ASPH: variants seen among roughly 807,000 people sequenced by gnomAD.
ASPH encodes the protein aspartyl/asparaginyl beta-hydroxylase.
ASPH carries 100 observed loss-of-function variants against 118.4 expected under a neutral mutation model. The ratio of observed to expected loss-of-function variants is 0.84; its 90% CI spans 0.72 to 1.00. ASPH has a LOEUF of 1.00. Ranked by LOEUF, ASPH falls within the 50% of genes least tolerant of loss-of-function variation. ASPH has a pLI of 0.00. For synonymous variants in ASPH, 315 were observed against 325.6 expected (o/e 0.97, Z 0.35); for missense variants, 920 against 919.5 (o/e 1.00, Z -0.01).
At chr8:61,553,801 C>A (rs1358092291) in intron 19 of ASPH, among the ~76,000 whole-genome samples, 2 of 152,106 alleles carry the variant, frequency 1.3e-5, no homozygotes, top group African/African-American at 4.8e-5. Context: ...CAACAGAATG[C>A]GTTTAGAAAA....
chr8:61,615,207 T>C (rs1216100381), intron 14 of ASPH, among the ~76,000 whole-genome samples: 2 of 152,144 alleles, frequency 1.3e-5, no homozygotes, highest in African/African-American at 4.8e-5. Context: ...GCCTCAAACA[T>C]GCTAAGCACA....
intron 14 of ASPH, among the ~76,000 whole-genome samples, chr8:61,589,593 C>A (rs1840485963): frequency 6.6e-6 from 1 of 152,308 alleles, no homozygotes; most frequent in East Asian, 1.9e-4. Context: ...TCCTTACCAG[C>A]CACCAGCCTT....
chr8:61,526,263 T>C, intron 21 of ASPH, 151 bp from the exon 22 acceptor site: 2 of 1,121,330 alleles, frequency 1.8e-6, no homozygotes, highest in Non-Finnish European at 2.5e-6. Flanking sequence ...CTGGGACTTC[T>C]TGTCACAGCT....
intron 14 of ASPH, among the ~76,000 whole-genome samples, chr8:61,602,899 A>G (rs1844458951): frequency 6.6e-6 from 1 of 152,196 alleles, no homozygotes; most frequent in Non-Finnish European, 1.5e-5. Context: ...CCATATCTAA[A>G]AAGAAATTCA....
chr8:61,579,467 C>T, intron 15 of ASPH: 2 of 1,605,964 alleles, frequency 1.2e-6, no homozygotes, highest in Non-Finnish European at 1.7e-6. Flanking sequence ...CGAAGACCAC[C>T]AGCGGCTATG....
At chr8:61,616,341 G>A (rs2134112244) in intron 14 of ASPH, among the ~76,000 whole-genome samples, 1 of 152,304 alleles carries the variant, frequency 6.6e-6, no homozygotes, top group South Asian at 2.1e-4. Context: ...GAGAGGCAGA[G>A]ATATGAGGAG....
chr8:61,609,329 T>C (rs1225046302), intron 14 of ASPH, among the ~76,000 whole-genome samples: 5 of 152,084 alleles, frequency 3.3e-5, no homozygotes, highest in Non-Finnish European at 7.3e-5. Flanking sequence ...TGAGGCTAGG[T>C]TTCTCCGTAT....
At chr8:61,546,485 A>G (rs868237694) in intron 21 of ASPH, among the ~76,000 whole-genome samples, 2 of 152,226 alleles carry the variant, frequency 1.3e-5, no homozygotes, top group Non-Finnish European at 2.9e-5. Context: ...AAAACCCGAC[A>G]GTGCTAAATG....
At chr8:61,609,246 G>A (rs577546012) in intron 14 of ASPH, among the ~76,000 whole-genome samples, 4 of 152,260 alleles carry the variant, frequency 2.6e-5, no homozygotes, top group East Asian at 1.9e-4. Flanking sequence ...ACCCCTCCAC[G>A]TGGAAATCCT....
intron 14 of ASPH, among the ~76,000 whole-genome samples, chr8:61,616,433 C>G (rs1002146465): frequency 1.3e-5 from 2 of 152,212 alleles, no homozygotes; most frequent in Non-Finnish European, 2.9e-5. Context: ...AAGCCATGCC[C>G]ACCATTCGGA....
At chr8:61,578,785 T>C in intron 15 of ASPH, 21 of 1,593,226 alleles carry the variant, frequency 1.3e-5, no homozygotes, top group Non-Finnish European at 1.8e-5. Flanking sequence ...CATACAGAGA[T>C]GGAGAATGAA....
chr8:61,712,965 A>G (rs2151942210), intron 1 of ASPH, among the ~76,000 whole-genome samples: 1 of 152,246 alleles, frequency 6.6e-6, no homozygotes, highest in East Asian at 1.9e-4. Context: ...ATTCTCATTT[A>G]GGGATGTTAA....
At chr8:61,509,141 G>A (rs116749679) in intron 24 of ASPH, among the ~76,000 whole-genome samples, 2,353 of 152,224 alleles carry the variant, frequency 0.015, 58 homozygotes, top group African/African-American at 0.054. Context: ...AAGGGGAAAA[G>A]GGAAAGAAAA....
intron 1 of ASPH, among the ~76,000 whole-genome samples, chr8:61,711,853 A>AG (rs199914988): frequency 0.033 from 5,053 of 152,322 alleles, 265 homozygotes; most frequent in African/African-American, 0.11. Flanking sequence ...CTAAAATTTC[A>AG]AATAGTGTTT....
intron 1 of ASPH, among the ~76,000 whole-genome samples, chr8:61,714,015 T>C (rs1838730080): frequency 6.6e-6 from 1 of 152,098 alleles, no homozygotes; most frequent in Admixed American, 6.5e-5. Flanking sequence ...GCCCTGCAGG[T>C]GAAGGAACCG....
intron 13 of ASPH, chr8:61,626,296 G>A (rs1446279297): frequency 2.2e-5 from 34 of 1,558,198 alleles, no homozygotes; most frequent in Non-Finnish European, 2.9e-5. Context: ...AAAATAAGGG[G>A]AAATCTAAAT....
chr8:61,697,752 A>G (rs1834267715), intron 1 of ASPH, among the ~76,000 whole-genome samples: 1 of 152,338 alleles, frequency 6.6e-6, no homozygotes, highest in African/African-American at 2.4e-5. Flanking sequence ...CCAAGTTTCC[A>G]TGTGTTTAAA....
At position 61,618,752 on chromosome 8, in the gene ASPH, T is replaced by A. The variant is rs12679293; in HGVS notation, c.976+226A>T. Among the ~76,000 whole-genome samples, 28,527 of 152,148 alleles carry A rather than the reference T, an allele frequency of 0.19. 2,820 individuals carry two copies. The highest frequency in any genetic ancestry group is 0.35 in the South Asian group (1,685 of 4,820). ...TTTCCCAAGGACGCAAGAGTGCAAA[T>A]GTCAAAACTAGAATTAGAAGCTGGG... On this transcript the variant is annotated intron_variant, in intron 14 of 24. Coordinates refer to ENST00000379454, the MANE Select transcript of ASPH (RefSeq NM_004318.4).
At chr8:61,539,954 T>C (rs1220542150) in intron 21 of ASPH, among the ~76,000 whole-genome samples, 1 of 152,206 alleles carries the variant, frequency 6.6e-6, no homozygotes, top group East Asian at 1.9e-4. Flanking sequence ...ACATCTTTTC[T>C]ATTTTTACCC....
Sources: allele counts gnomAD v4.1 joint callset (sites outside exome capture counted in the v4.1 genomes callset), GRCh38; gene constraint gnomAD v4.1.1; transcripts MANE v1.5; gene names NCBI Gene and HGNC (gene_info 2026-07-23, HGNC 2026-07-21).